The following MCOLN2 variants were observed in gnomAD, a reference collection of about 807,000 sequenced individuals.
MCOLN2 encodes mucolipin-2.
A neutral mutation model predicts 67.5 loss-of-function variants in MCOLN2; 57 were observed. The observed-to-expected ratio is 0.84, with a 90% CI of 0.68 to 1.05. The LOEUF (loss-of-function observed/expected upper bound fraction) is 1.05, where lower values mean the gene tolerates loss of function less well. Ranked by LOEUF, MCOLN2 falls within the 50% of genes least tolerant of loss-of-function variation. The pLI is 0.00. For synonymous variants in MCOLN2, 246 were observed against 233.3 expected, an observed-to-expected ratio of 1.05 and a Z score of -0.50; for missense variants, 620 against 678.8, an observed-to-expected ratio of 0.91 and a Z score of 0.96.
chr1:84,929,455 T>C (rs1328128946), intron 13 of MCOLN2, 103 bp downstream of exon 13: 17 of 1,298,394 alleles, frequency 1.3e-5, no homozygotes, highest in Non-Finnish European at 5.2e-6. Flanking sequence ...TTATTTCCCA[T>C]GATAAGCTGG....
rs1651110323 is a variant in MCOLN2 at position 84,995,754 on chromosome 1, GTTC to G, written c.77+1039_77+1041del. Among the ~76,000 whole-genome samples the G allele has an allele frequency of 5.3e-5, 8 of 151,460 alleles. No individual in the cohort carries two copies. In the South Asian group the frequency reaches 1.7e-3, roughly 32 times the overall value. ...CCCTTTGCTCAAACTATGTCTCTCA[GTTC>G]TTCTCACTTGCTTCATTAAAATATT... On this transcript the variant is annotated intron_variant, in intron 1 of 13. Transcript: ENST00000370608.
rs776855183 is a variant in MCOLN2, at chr1:84,973,397, AAGCAT to A, written c.78-7694_78-7690del. ...GGAGGCAGAGGTAGTAGATTCGCTT[AAGCAT>A]AGGAGTTCAAGGCTGCAGTGAGCTA... On this transcript the variant is annotated intron_variant, in intron 1 of 13. Transcript: ENST00000370608. Among the ~76,000 whole-genome samples the A allele has an allele frequency of 4.6e-5, 7 of 152,142 alleles. No individual in the cohort carries two copies. The East Asian group carries it at 5.8e-4, about 13-fold the overall frequency.
At chr1:84,946,665 C>G (rs571825600) in intron 7 of MCOLN2, among the ~76,000 whole-genome samples, 1 of 152,048 alleles carries the variant, frequency 6.6e-6, no homozygotes, top group Non-Finnish European at 1.5e-5. Flanking sequence ...CAGATTTTTC[C>G]GATTTGGGAT....
intron 1 of MCOLN2, among the ~76,000 whole-genome samples, chr1:84,987,492 A>ATATG (rs1650611200): frequency 7.0e-5 from 1 of 14,214 alleles, no homozygotes; most frequent in Non-Finnish European, 2.2e-4. Context: ...ATATATACAT[A>ATATG]TGTATACATA....
chr1:84,931,675 T>A, intron 11 of MCOLN2, 107 bp from the exon 12 acceptor site: 1 of 889,636 alleles, frequency 1.1e-6, no homozygotes, highest in South Asian at 1.6e-5. Flanking sequence ...GTAGTAGTGG[T>A]AACTTACTTA....
chr1:84,973,177 G>A (rs1274033065), intron 1 of MCOLN2, among the ~76,000 whole-genome samples: 9 of 152,088 alleles, frequency 5.9e-5, no homozygotes, highest in South Asian at 2.1e-4. Context: ...GCCCTCACTC[G>A]GTCAGTAACA....
At chr1:84,931,734 AC>A (rs887056546) in intron 11 of MCOLN2, among the ~76,000 whole-genome samples, 166 bp from the exon 12 acceptor site, 150 of 151,796 alleles carry the variant, frequency 9.9e-4, no homozygotes, top group African/African-American at 3.6e-3. Context: ...TTATTCAAAA[AC>A]CCCCTCTGGG....
intron 11 of MCOLN2, among the ~76,000 whole-genome samples, chr1:84,936,236 C>G (rs1403723201): frequency 6.6e-6 from 1 of 152,116 alleles, no homozygotes; most frequent in African/African-American, 2.4e-5. Context: ...TGGTAGCCAT[C>G]TAGTAAAATT....
At chr1:84,934,113 C>G (rs1002922463) in intron 11 of MCOLN2, among the ~76,000 whole-genome samples, 1 of 152,142 alleles carries the variant, frequency 6.6e-6, no homozygotes, top group Admixed American at 6.6e-5. Flanking sequence ...TCATAAGCCC[C>G]TGGAAAGCAG....
chr1:84,979,490 T>C (rs1039577509), intron 1 of MCOLN2, among the ~76,000 whole-genome samples: 4 of 152,214 alleles, frequency 2.6e-5, no homozygotes, highest in Non-Finnish European at 5.9e-5. Context: ...CCAAGTGGGA[T>C]TTATCCCTGG....
chr1:84,987,856 A>G (rs1296226622), intron 1 of MCOLN2, among the ~76,000 whole-genome samples: 1 of 151,910 alleles, frequency 6.6e-6, no homozygotes, highest in African/African-American at 2.4e-5. Context: ...TATAGGTGTG[A>G]GCTAAGCTGT....
chr1:84,936,279 A>G (rs1033640944), intron 11 of MCOLN2, among the ~76,000 whole-genome samples: 1 of 152,178 alleles, frequency 6.6e-6, no homozygotes, highest in African/African-American at 2.4e-5. Context: ...TTCCAGAATA[A>G]TGATGAGGTA....
At position 84,937,833 on chromosome 1, in the gene MCOLN2, C is replaced by T; in HGVS notation, c.1257G>A (p.Arg419=). ...AAATCATACCAGCACAAGCACAAAA[C>T]CGAAGAACTTTTGGCAGTGAGGCCT... ...TMQASLPKVL[R]FCACAGMIYL... The change falls in exon 11 of 14, where the codon CGG becomes CGA. Residue 419 remains arginine (R), a synonymous_variant. Coordinates refer to ENST00000370608, the MANE Select transcript of MCOLN2 (RefSeq NM_153259.4). 1 of 1,614,142 alleles carries T rather than the reference C, an allele frequency of 6.2e-7. No individual in the cohort carries two copies. Among genetic ancestry groups the T allele is most frequent in the Non-Finnish European group, 8.5e-7 (1 of 1,180,030 alleles).
intron 2 of MCOLN2, 114 bp from the exon 3 acceptor site, chr1:84,958,816 T>C: frequency 2.5e-6 from 2 of 804,604 alleles, no homozygotes; most frequent in Non-Finnish European, 1.8e-6. Context: ...AATATCAATT[T>C]TTTTTGGTTT....
At chr1:84,960,552 C>T (rs1051582168) in intron 2 of MCOLN2, among the ~76,000 whole-genome samples, 3 of 152,192 alleles carry the variant, frequency 2.0e-5, no homozygotes, top group African/African-American at 7.2e-5. Flanking sequence ...AAGGATTGTG[C>T]AACTGCTAAA....
chr1:84,944,484 A>G (rs1647978696), intron 7 of MCOLN2, among the ~76,000 whole-genome samples: 1 of 152,062 alleles, frequency 6.6e-6, no homozygotes. Context: ...AGTGAGCAAG[A>G]TCGTGCCACT....
chr1:84,947,012 G>A (rs1648148253), intron 7 of MCOLN2, 21 bp downstream of exon 7: 2 of 1,085,058 alleles, frequency 1.8e-6, no homozygotes, highest in Admixed American at 1.8e-5. Flanking sequence ...ATTCCCATGG[G>A]CAAGTATATA....
At chr1:84,960,932 C>T (rs1048365110) in intron 2 of MCOLN2, among the ~76,000 whole-genome samples, 3 of 152,136 alleles carry the variant, frequency 2.0e-5, no homozygotes. Context: ...TGTTGAGAAC[C>T]AGGCATTGTG....
chr1:84,938,223 AAAG>A (rs1337562062), intron 9 of MCOLN2, 141 bp from the exon 10 acceptor site: 5 of 465,682 alleles, frequency 1.1e-5, no homozygotes, highest in Non-Finnish European at 1.9e-5. Context: ...TGAAGAAAAA[AAAG>A]AAGAAAAACA....
Sources: gnomAD v4.1 joint callset for allele counts (sites outside exome capture counted in the v4.1 genomes callset) on GRCh38, gnomAD v4.1.1 for gene constraint, MANE v1.5 for transcripts, NCBI Gene and HGNC (gene_info 2026-07-23, HGNC 2026-07-21) for gene names.